TUBG2: variants seen among roughly 807,000 people sequenced by gnomAD.
TUBG2 encodes tubulin gamma-2 chain.
In TUBG2, 39 loss-of-function variants were observed where a neutral mutation model predicts 55.1. The observed-to-expected ratio is 0.71, with a 90% CI of 0.55 to 0.93. The LOEUF (loss-of-function observed/expected upper bound fraction) is 0.93, where lower values mean the gene tolerates loss of function less well. Ranked by LOEUF, TUBG2 falls within the 40% of genes least tolerant of loss-of-function variation. TUBG2 has a pLI of 0.00. For missense variants in TUBG2, 358 were observed against 599.1 expected (o/e 0.60, Z 4.20); for synonymous variants, 223 against 241.0 (o/e 0.93, Z 0.69).
At position 42,666,722 on chromosome 17, in the gene TUBG2, G is replaced by C. The variant is rs779802432; in HGVS notation, c.1278G>C (p.Glu426Asp). The C allele has an allele frequency of 1.2e-6, 2 of 1,614,162 alleles. No homozygotes were observed. Among genetic ancestry groups the C allele is most frequent in the East Asian group, 4.5e-5 (2 of 44,886 alleles). The part of the protein sequence containing the change: ...DNFDEMDRSR[E>D]VVQELIDEYH... The stretch of plus-strand genomic sequence containing the variant: ...TTGATGAGATGGACAGGTCTAGGGA[G>C]GTTGTTCAGGAGCTCATTGATGAGT... The change falls in exon 11 of 11, where the codon GAG becomes GAC. Residue 426 changes from glutamate (E) to aspartate (D), a missense_variant. Physicochemically the swap from Glu to Asp is conservative, Grantham distance 45 (BLOSUM62 2). Transcript: ENST00000251412.
At position 42,666,815 on chromosome 17, in the gene TUBG2, ACTCCTT is replaced by A. The variant is rs2052560608; in HGVS notation, c.*24_*29del. The A allele has an allele frequency of 1.9e-6, 3 of 1,611,998 alleles. No individual in the cohort carries two copies. Among genetic ancestry groups the A allele is most frequent in the East Asian group, 2.2e-5 (1 of 44,806 alleles). ...AGGAGCAGTGATTTCCCTCCCCACTACTCCTTCTCCTTCTAGATGGTAACCACAGCC... is the reference window on the plus strand; with the variant it reads ...AGGAGCAGTGATTTCCCTCCCCACTACTCCTTCTAGATGGTAACCACAGCC... On this transcript the variant is annotated 3_prime_UTR_variant, in exon 11 of 11. Transcript: ENST00000251412.
chr17:42,664,830 T>C (rs2052478966), intron 6 of TUBG2, among the ~76,000 whole-genome samples: 1 of 98,688 alleles, frequency 1.0e-5, no homozygotes, highest in South Asian at 3.9e-4. Flanking sequence ...TACTTTTCTT[T>C]CTTTTTATTT....
At chr17:42,659,698 C>T (rs2052337263) in intron 1 of TUBG2, 136 bp from the exon 2 acceptor site, 11 of 1,380,578 alleles carry the variant, frequency 8.0e-6, no homozygotes, top group African/African-American at 1.5e-5. Context: ...AGCTGCGCCT[C>T]CAGCCCGGGG....
rs1241083882 is a variant in TUBG2 at position 42,666,770 on chromosome 17, C to T, written c.1326C>T (p.Asp442=). 6.2e-7 allele frequency: 1 copy of T among 1,614,122 alleles called. No homozygotes were observed. The highest frequency in any genetic ancestry group is 1.3e-5 in the African/African-American group (1 of 75,022). ...AGTACCATGCGGCCACCCAGCCAGACTACATTTCCTGGGGCACCCAGGAGC... is the reference window on the plus strand; with the variant it reads ...AGTACCATGCGGCCACCCAGCCAGATTACATTTCCTGGGGCACCCAGGAGC... ...IDEYHAATQP[D]YISWGTQEQ is the part of the protein sequence containing the mutation. Residue 442 remains aspartate (D), a synonymous_variant, in exon 11 of 11, where the codon GAC becomes GAT. Transcript: ENST00000251412.
At chr17:42,664,014 G>A (rs2052456019) in intron 6 of TUBG2, among the ~76,000 whole-genome samples, 2 of 152,010 alleles carry the variant, frequency 1.3e-5, no homozygotes, top group South Asian at 4.2e-4. Context: ...GCTGAGGCAG[G>A]AGAATCACTT....
At chr17:42,666,564 C>A (rs1352122307) in intron 10 of TUBG2, 39 bp from the exon 11 acceptor site, 45 of 1,614,000 alleles carry the variant, frequency 2.8e-5, no homozygotes, top group Non-Finnish European at 3.6e-5. Context: ...TCACTCCTAA[C>A]CCCCTGGCTC....
In TUBG2 at chr17:42,662,670, T is replaced by A. The variant is rs115843666; in HGVS notation, c.400-303T>A. Among the ~76,000 whole-genome samples the A allele has an allele frequency of 8.3e-3, 1,262 of 152,068 alleles. 19 individuals carry two copies. Among genetic ancestry groups the A allele is most frequent in the African/African-American group, 0.029 (1,205 of 41,462 alleles). On this transcript the variant is annotated intron_variant, in intron 4 of 10. Transcript: ENST00000251412. ...ATCAGGTTATAACCCAATAAGCCCA[T>A]CATGAAGTTGAAAAATTGTAAATTG...
intron 4 of TUBG2, chr17:42,661,143 G>A (rs902000853): frequency 1.1e-4 from 18 of 169,772 alleles, no homozygotes. Context: ...AGGGACTAGA[G>A]CAATAATAGT....
rs780080219 is a variant in TUBG2 at position 42,666,436 on chromosome 17, C to G, written c.1110C>G (p.Ala370=). Residue 370 remains alanine (A), a synonymous_variant, in exon 10 of 11, where the codon GCC becomes GCG. Coordinates refer to ENST00000251412, the MANE Select transcript of TUBG2 (RefSeq NM_016437.3). The part of the protein sequence containing the change: ...LSRKSPYLPS[A]HRVSGLMMAN... ...GGAAGTCTCCCTACCTGCCCTCGGC[C>G]CACCGGGTCAGCGGGCTCATGATGG... 2.4e-5 allele frequency: 38 copies of G among 1,614,050 alleles called. No homozygotes were observed. The highest frequency in any genetic ancestry group is 3.1e-5 in the Non-Finnish European group (36 of 1,179,996).
chr17:42,664,276 TAAA>T (rs11361586), intron 6 of TUBG2, among the ~76,000 whole-genome samples: 63 of 140,144 alleles, frequency 4.5e-4, no homozygotes, highest in Non-Finnish European at 4.6e-4. Context: ...ACCTTGTGTT[TAAA>T]AAAAAAAAAA....
In TUBG2 at chr17:42,659,418, C is replaced by T. The variant is rs1239701902; in HGVS notation, c.-86C>T. 4 of 1,413,842 alleles carry T rather than the reference C, an allele frequency of 2.8e-6. No homozygotes were observed. In the African/African-American group the frequency reaches 5.8e-5, roughly 20 times the overall value. The allele number at this position is 1,413,842 out of a possible 1,614,324, so 87.6% of individuals were successfully genotyped here. On this transcript the variant is annotated 5_prime_UTR_variant, in exon 1 of 11. Transcript: ENST00000251412. ...AGAGGCGAAGAGAGCGCGCGCTCCC[C>T]ACGTCCTGCGCTCCTGGCTGCCGGG...
chr17:42,659,541 G>C lies in TUBG2; in HGVS notation c.38G>C (p.Cys13Ser). ...ATCATCACCCTGCAGCTGGGCCAGTGCGGCAACCAGAGTGAGCAAGCGAGC... is the reference window on the plus strand; with the variant it reads ...ATCATCACCCTGCAGCTGGGCCAGTCCGGCAACCAGAGTGAGCAAGCGAGC... ...REIITLQLGQ[C>S]GNQIGFEFWK... The change falls in exon 1 of 11, where the codon TGC (cysteine) becomes TCC (serine). Residue 13 changes from cysteine to serine, a missense_variant. Cys to Ser is a moderately radical substitution (Grantham distance 112). Coordinates refer to ENST00000251412, the MANE Select transcript of TUBG2 (RefSeq NM_016437.3). 6.5e-7 allele frequency: 1 copy of C among 1,550,170 alleles called. No individual in the cohort carries two copies. Among genetic ancestry groups the C allele is most frequent in the Non-Finnish European group, 8.7e-7 (1 of 1,147,324 alleles).
At position 42,665,803 on chromosome 17, in the gene TUBG2, C is replaced by T; in HGVS notation, c.819C>T (p.Tyr273=). The T allele has an allele frequency of 6.2e-7, 1 of 1,614,246 alleles. No homozygotes were observed. The highest frequency in any genetic ancestry group is 1.1e-5 in the South Asian group (1 of 91,090). The change falls in exon 8 of 11, where the codon TAC becomes TAT. Residue 273 remains tyrosine, a synonymous_variant. Coordinates refer to ENST00000251412, the MANE Select transcript of TUBG2 (RefSeq NM_016437.3). ...TPRLHFLMTG[Y]TPLTTDQSVA... is the part of the protein sequence containing the mutation. The stretch of plus-strand genomic sequence containing the variant: ...GGCTCCACTTCCTCATGACCGGCTA[C>T]ACCCCGCTCACTACAGACCAGTCAG...
intron 4 of TUBG2, among the ~76,000 whole-genome samples, chr17:42,662,380 C>T (rs1224151120): frequency 6.6e-6 from 1 of 151,546 alleles, no homozygotes; most frequent in Non-Finnish European, 1.5e-5. Context: ...CCGAGGCGGG[C>T]AGATCACTTG....
At chr17:42,660,516 G>A in intron 3 of TUBG2, 123 bp from the exon 4 acceptor site, 1 of 1,297,608 alleles carries the variant, frequency 7.7e-7, no homozygotes. Context: ...GAGGGCTACA[G>A]CCTAGGCTCT....
intron 3 of TUBG2, 107 bp downstream of exon 3, chr17:42,660,423 GAT>G: frequency 6.4e-7 from 1 of 1,555,840 alleles, no homozygotes; most frequent in Non-Finnish European, 8.8e-7. Flanking sequence ...GAGACAAAAG[GAT>G]GTCCCGAACA....
chr17:42,663,382 C>G lies in TUBG2; in HGVS notation c.485C>G (p.Pro162Arg), dbSNP rs2052436097. The change falls in exon 6 of 11, where the codon CCC becomes CGC. Residue 162 changes from proline (P) to arginine (R), a missense_variant. Around this residue, in one of 8 missense-constraint regions of TUBG2, gnomAD observed 40 missense variants for 40.4 expected, o/e 0.99. Transcript: ENST00000251412. ...YLLERLNDRY[P>R]KKLVQTYSVF... ...ACCATCCTCTTTTCTCTCAGGTACC[C>G]CAAGAAGCTAGTGCAGACTTATTCA... The G allele has an allele frequency of 3.7e-6, 6 of 1,614,064 alleles. No individual in the cohort carries two copies. The highest frequency in any genetic ancestry group is 5.1e-6 in the Non-Finnish European group (6 of 1,179,994).
Position 42,659,360 on chromosome 17 carries a change from C to A in TUBG2, c.-144C>A. On this transcript the variant is annotated 5_prime_UTR_variant, in exon 1 of 11. Coordinates refer to ENST00000251412, the MANE Select transcript of TUBG2 (RefSeq NM_016437.3). ...GGCCCACCGGCCGAGGAGAGGCCTG[C>A]GCTGCACACGCGCAGACCGAGCATC... 1 of 836,216 alleles carries A rather than the reference C, an allele frequency of 1.2e-6. No individual in the cohort carries two copies. The highest frequency in any genetic ancestry group is 1.8e-6 in the Non-Finnish European group (1 of 562,684). The allele number at this position is 836,216 out of a possible 1,614,324, so 51.8% of individuals were successfully genotyped here.
chr17:42,659,545 C>A lies in TUBG2; in HGVS notation c.42C>A (p.Gly14=). The change falls in exon 1 of 11, where the codon GGC becomes GGA. Residue 14 remains glycine, a synonymous_variant. Coordinates refer to ENST00000251412, the MANE Select transcript of TUBG2 (RefSeq NM_016437.3). The stretch of plus-strand genomic sequence containing the variant: ...TCACCCTGCAGCTGGGCCAGTGCGG[C>A]AACCAGAGTGAGCAAGCGAGCGCCG... ...EIITLQLGQC[G]NQIGFEFWKQ... The A allele has an allele frequency of 6.5e-7, 1 of 1,549,168 alleles. No individual in the cohort carries two copies. Among genetic ancestry groups the A allele is most frequent in the Non-Finnish European group, 8.7e-7 (1 of 1,146,800 alleles).
Sources: allele counts gnomAD v4.1 joint callset (sites outside exome capture counted in the v4.1 genomes callset), GRCh38; gene constraint gnomAD v4.1.1; regional missense constraint gnomAD v4.1.1; transcripts MANE v1.5; gene names NCBI Gene and HGNC (gene_info 2026-07-23, HGNC 2026-07-21).